The following NAA11 variants were observed in gnomAD, a reference collection of about 807,000 sequenced individuals.
NAA11 encodes N-alpha-acetyltransferase 11, NatA catalytic subunit, also known as N-alpha-acetyltransferase 11.
Under a neutral mutation model 16.1 loss-of-function variants are expected in NAA11, and 15 were observed. The observed-to-expected ratio is 0.93, with a 90% confidence interval of 0.62 to 1.44. The LOEUF (loss-of-function observed/expected upper bound fraction) is 1.44. Ranked by LOEUF, NAA11 falls within the 40% of genes most tolerant of loss-of-function variation. NAA11 has a pLI of 0.00. For synonymous variants in NAA11, 122 were observed against 112.4 expected, an observed-to-expected ratio of 1.09 and a Z score of -0.54; for missense variants, 298 against 291.3, an observed-to-expected ratio of 1.02 and a Z score of -0.17.
At chr4:79,213,538 A>G in the NAA11 span, among the ~76,000 whole-genome samples, 1 of 143,578 alleles carries the variant, frequency 7.0e-6, no homozygotes, top group Non-Finnish European at 1.5e-5. Flanking sequence ...TTTGTTTTAC[A>G]TTTTATATGA....
At chr4:79,173,212 G>C in the NAA11 span, among the ~76,000 whole-genome samples, 1 of 152,228 alleles carries the variant, frequency 6.6e-6, no homozygotes, top group East Asian at 1.9e-4. Context: ...AAGGTTGTGG[G>C]GATAGTGGGA....
chr4:79,254,682 AATTT>A (rs1376276186), intron 2 of NAA11, among the ~76,000 whole-genome samples: 2 of 145,290 alleles, frequency 1.4e-5, no homozygotes, highest in Admixed American at 1.4e-4. Flanking sequence ...TAGTTAATTT[AATTT>A]ATTTATTTAC....
At chr4:79,273,562 A>C (rs898840966) in intron 2 of NAA11, among the ~76,000 whole-genome samples, 5 of 151,962 alleles carry the variant, frequency 3.3e-5, no homozygotes, top group African/African-American at 1.2e-4. Flanking sequence ...GGTCTTTTTA[A>C]CCCTAATATC....
intron 2 of NAA11, among the ~76,000 whole-genome samples, chr4:79,286,354 A>G (rs553076215): frequency 5.2e-4 from 79 of 152,208 alleles, no homozygotes; most frequent in South Asian, 2.5e-3. Flanking sequence ...CGCTTGAGCA[A>G]TGAGGATGAG....
chr4:79,324,685 T>C (rs1724203212), intron 1 of NAA11, among the ~76,000 whole-genome samples: 1 of 152,206 alleles, frequency 6.6e-6, no homozygotes, highest in South Asian at 2.1e-4. Context: ...TCTCCACGTT[T>C]AGTGAAGACT....
At chr4:79,307,332 A>C (rs1723621082) in intron 1 of NAA11, 2 of 152,226 alleles carry the variant, frequency 1.3e-5, no homozygotes, top group Admixed American at 6.5e-5. Flanking sequence ...TTGAAAAATA[A>C]AAACATCTCT....
the NAA11 span, among the ~76,000 whole-genome samples, chr4:79,218,898 T>G: frequency 6.6e-6 from 1 of 152,134 alleles, no homozygotes; most frequent in African/African-American, 2.4e-5. Flanking sequence ...TGTACTACCA[T>G]GCAAAATTTT....
intron 2 of NAA11, among the ~76,000 whole-genome samples, chr4:79,250,434 G>A (rs943772078): frequency 6.6e-6 from 1 of 152,212 alleles, no homozygotes; most frequent in Non-Finnish European, 1.5e-5. Flanking sequence ...ACAGGAACTC[G>A]GAGACTGAAA....
At chr4:79,265,102 C>T (rs960487277) in intron 2 of NAA11, among the ~76,000 whole-genome samples, 17 of 152,146 alleles carry the variant, frequency 1.1e-4, no homozygotes, top group South Asian at 4.1e-4. Context: ...CCCAGTTGGT[C>T]GGATAAAGTA....
chr4:79,164,156 G>T, the NAA11 span, among the ~76,000 whole-genome samples: 10 of 151,958 alleles, frequency 6.6e-5, no homozygotes, highest in African/African-American at 2.4e-4. Flanking sequence ...TACTCATCTT[G>T]GTTTTTCATG....
chr4:79,170,500 A>G, the NAA11 span, among the ~76,000 whole-genome samples: 1 of 152,194 alleles, frequency 6.6e-6, no homozygotes, highest in Admixed American at 6.5e-5. Flanking sequence ...AATCAAGTGT[A>G]TGCCAGGGAA....
intron 2 of NAA11, among the ~76,000 whole-genome samples, chr4:79,248,769 C>G: frequency 6.6e-6 from 1 of 152,222 alleles, no homozygotes; most frequent in Non-Finnish European, 1.5e-5. Context: ...ACGTGGAGAA[C>G]AGTGGCCATG....
intron 2 of NAA11, among the ~76,000 whole-genome samples, chr4:79,277,746 A>G (rs1722691979): frequency 6.6e-6 from 1 of 151,896 alleles, no homozygotes; most frequent in South Asian, 2.1e-4. Context: ...AAATTAGCCA[A>G]TCGGAATTAG....
chr4:79,263,896 G>C (rs552192729), intron 2 of NAA11, among the ~76,000 whole-genome samples: 44 of 152,126 alleles, frequency 2.9e-4, no homozygotes, highest in African/African-American at 9.4e-4. Flanking sequence ...CATGCTTCTA[G>C]AAGTCTACCA....
the NAA11 span, among the ~76,000 whole-genome samples, chr4:79,219,892 G>A: frequency 6.6e-6 from 1 of 152,146 alleles, no homozygotes; most frequent in Non-Finnish European, 1.5e-5. Context: ...CTATGTTCAA[G>A]TTTCTCCAAC....
At chr4:79,270,298 G>A (rs1363356296) in intron 2 of NAA11, among the ~76,000 whole-genome samples, 5 of 152,038 alleles carry the variant, frequency 3.3e-5, no homozygotes, top group African/African-American at 7.2e-5. Context: ...TAAATTCCTC[G>A]ACACATACAC....
chr4:79,313,140 A>G (rs1723827743), downstream of NAA11, among the ~76,000 whole-genome samples: 2 of 152,102 alleles, frequency 1.3e-5, no homozygotes, highest in African/African-American at 2.4e-5. Context: ...CTGGACCATT[A>G]AAGAGGAAAC....
intron 2 of NAA11, among the ~76,000 whole-genome samples, chr4:79,268,390 C>T (rs1054063133): frequency 6.6e-5 from 10 of 152,086 alleles, no homozygotes; most frequent in Admixed American, 6.6e-4. Context: ...GGTAAAGTTA[C>T]GAGAGGTCAA....
At chr4:79,216,451 A>T in the NAA11 span, among the ~76,000 whole-genome samples, 1 of 152,176 alleles carries the variant, frequency 6.6e-6, no homozygotes, top group Non-Finnish European at 1.5e-5. Flanking sequence ...GGGTAGAGTC[A>T]AAGTTTATTT....
Sources: gnomAD v4.1 joint callset for allele counts (sites outside exome capture counted in the v4.1 genomes callset) on GRCh38, gnomAD v4.1.1 for gene constraint, MANE v1.5 for transcripts, NCBI Gene and HGNC (gene_info 2026-07-23, HGNC 2026-07-21) for gene names.